KLF12: variants seen among roughly 807,000 people sequenced by gnomAD.
KLF12 encodes KLF transcription factor 12.
In KLF12, 9 loss-of-function variants were observed where a neutral mutation model predicts 37.8. The ratio of observed to expected loss-of-function variants is 0.24; its 90% CI spans 0.14 to 0.42. The LOEUF (loss-of-function observed/expected upper bound fraction) is 0.42, where lower values mean the gene tolerates loss of function less well. KLF12 is among the 10% of genes least tolerant of loss of function. KLF12 has a pLI of 1.00. For missense variants in KLF12, 411 were observed against 516.0 expected, an observed-to-expected ratio of 0.80 and a Z score of 1.97; for synonymous variants, 208 against 202.1, an observed-to-expected ratio of 1.03 and a Z score of -0.25.
the KLF12 span, among the ~76,000 whole-genome samples, chr13:74,214,002 G>A: frequency 6.6e-6 from 1 of 151,864 alleles, no homozygotes; most frequent in Admixed American, 6.6e-5. Flanking sequence ...TGAATTCATG[G>A]TCATTATTTA....
At chr13:74,089,732 T>C (rs1174734425) in intron 1 of KLF12, among the ~76,000 whole-genome samples, 3 of 143,372 alleles carry the variant, frequency 2.1e-5, no homozygotes. Flanking sequence ...ACACCATTTA[T>C]TGAAAAAAAA....
chr13:73,813,341 C>A (rs1029652477), intron 4 of KLF12, 54 bp from the exon 5 acceptor site: 2 of 1,597,012 alleles, frequency 1.3e-6, no homozygotes, highest in Admixed American at 1.7e-5. Context: ...GAAAGTTAAC[C>A]TTGTCCTGGA....
the KLF12 span, among the ~76,000 whole-genome samples, chr13:74,185,892 C>T: frequency 6.6e-6 from 1 of 152,126 alleles, no homozygotes; most frequent in African/African-American, 2.4e-5. Flanking sequence ...GATCTGCCTG[C>T]CTCGGCCTTG....
At chr13:74,036,076 T>C (rs1479221495) in intron 1 of KLF12, among the ~76,000 whole-genome samples, 1 of 152,080 alleles carries the variant, frequency 6.6e-6, no homozygotes, top group Non-Finnish European at 1.5e-5. Flanking sequence ...AGAATGCTCC[T>C]ATACACTCCT....
chr13:73,767,548 G>A (rs546617908), intron 5 of KLF12, among the ~76,000 whole-genome samples: 1 of 152,330 alleles, frequency 6.6e-6, no homozygotes, highest in Non-Finnish European at 1.5e-5. Flanking sequence ...GTGCTCTTCT[G>A]AGACTGACAG....
chr13:73,816,763 G>T (rs998550361), intron 4 of KLF12, among the ~76,000 whole-genome samples: 4 of 152,178 alleles, frequency 2.6e-5, no homozygotes, highest in African/African-American at 9.7e-5. Context: ...CTTGCACCTT[G>T]GGTTTCCCCT....
At position 74,093,978 on chromosome 13, in the gene KLF12, A is replaced by G. The variant is rs1875828614; in HGVS notation, c.-32+39761T>C. On this transcript the variant is annotated intron_variant, in intron 1 of 7. Coordinates refer to ENST00000377669, the MANE Select transcript of KLF12 (RefSeq NM_007249.5). ...GTATCAGTAAAATGCAAAAAAAAAA[A>G]TACAATAGCTAGTTCATATTTACAC... Among the ~76,000 whole-genome samples, 3 of 148,578 alleles carry G rather than the reference A, an allele frequency of 2.0e-5. No homozygotes were observed. In the South Asian group the frequency reaches 6.3e-4, roughly 31 times the overall value.
At chr13:74,279,958 A>C in the KLF12 span, among the ~76,000 whole-genome samples, 2 of 152,218 alleles carry the variant, frequency 1.3e-5, no homozygotes, top group Non-Finnish European at 2.9e-5. Context: ...TCTTAAGCAC[A>C]GAGGACCAGA....
chr13:74,175,953 T>C, the KLF12 span, among the ~76,000 whole-genome samples: 2 of 152,172 alleles, frequency 1.3e-5, no homozygotes, highest in Admixed American at 6.5e-5. Context: ...TTTCTGTGTT[T>C]CCTCTCCCCT....
At chr13:74,112,626 CCTT>C (rs1229374570) in intron 1 of KLF12, among the ~76,000 whole-genome samples, 1 of 152,216 alleles carries the variant, frequency 6.6e-6, no homozygotes, top group East Asian at 1.9e-4. Context: ...CAAACCCTGA[CCTT>C]CTAAGACAGT....
intron 5 of KLF12, among the ~76,000 whole-genome samples, chr13:73,803,540 C>T (rs1882394356): frequency 6.6e-6 from 1 of 151,540 alleles, no homozygotes; most frequent in South Asian, 2.1e-4. Context: ...TTACCTTCTC[C>T]AGGGACAGAA....
intron 1 of KLF12, among the ~76,000 whole-genome samples, chr13:74,028,022 C>G (rs1893021811): frequency 6.6e-6 from 1 of 152,094 alleles, no homozygotes; most frequent in Non-Finnish European, 1.5e-5. Context: ...ATTGAATTGG[C>G]CAATTTAATA....
intron 1 of KLF12, 33 bp from the exon 2 acceptor site, chr13:73,995,086 G>A (rs1391563718): frequency 1.4e-6 from 2 of 1,458,140 alleles, no homozygotes; most frequent in Non-Finnish European, 1.9e-6. Context: ...AATGATGAGA[G>A]AAAGTTCTAC....
rs565002201 is a variant in KLF12, at chr13:73,926,371, G to A, written c.123+17610C>T. ...AGATTTGCTGAAAGTCCAGATGATCGTTAGCATTTTTTAGCAATAAAGTCC... is the reference window on the plus strand; with the variant it reads ...AGATTTGCTGAAAGTCCAGATGATCATTAGCATTTTTTAGCAATAAAGTCC... On this transcript the variant is annotated intron_variant, in intron 3 of 7. Transcript: ENST00000377669. Among the ~76,000 whole-genome samples, 6 of 152,250 alleles carry A rather than the reference G, an allele frequency of 3.9e-5. No individual in the cohort carries two copies. The South Asian group carries it at 1.0e-3, about 26-fold the overall frequency.
chr13:73,914,737 A>C (rs1012335870), intron 3 of KLF12, among the ~76,000 whole-genome samples: 3 of 152,094 alleles, frequency 2.0e-5, no homozygotes, highest in African/African-American at 7.2e-5. Context: ...TAGCAAAAAT[A>C]TAGTTTCTTT....
At chr13:73,743,080 A>G (rs1014671248) in intron 6 of KLF12, among the ~76,000 whole-genome samples, 5 of 152,180 alleles carry the variant, frequency 3.3e-5, no homozygotes, top group African/African-American at 1.2e-4. Context: ...CTCTTACATA[A>G]GAAAATCCTG....
chr13:74,085,785 C>T (rs959511694), intron 1 of KLF12, among the ~76,000 whole-genome samples: 2 of 152,160 alleles, frequency 1.3e-5, no homozygotes, highest in Admixed American at 1.3e-4. Context: ...CAGGACTCTG[C>T]ATTTCAACCA....
At chr13:74,055,492 G>C (rs1021419198) in intron 1 of KLF12, among the ~76,000 whole-genome samples, 2 of 152,176 alleles carry the variant, frequency 1.3e-5, no homozygotes, top group Non-Finnish European at 2.9e-5. Flanking sequence ...GCTCCAGTAG[G>C]TCTGATCTCG....
chr13:74,058,088 T>C (rs1264520323), intron 1 of KLF12, among the ~76,000 whole-genome samples: 1 of 148,096 alleles, frequency 6.8e-6, no homozygotes, highest in Non-Finnish European at 1.5e-5. Context: ...TACCGCAGCC[T>C]CCCGGGTAGC....
Sources: allele counts gnomAD v4.1 joint callset (sites outside exome capture counted in the v4.1 genomes callset), GRCh38; gene constraint gnomAD v4.1.1; transcripts MANE v1.5; gene names NCBI Gene and HGNC (gene_info 2026-07-23, HGNC 2026-07-21).